Variants in EYA2 observed in about 807,000 individuals in gnomAD.
EYA2 encodes EYA transcriptional coactivator and phosphatase 2.
Under a neutral mutation model 69.2 loss-of-function variants are expected in EYA2, and 31 were observed. The ratio of observed to expected loss-of-function variants is 0.45; its 90% CI spans 0.34 to 0.60. The LOEUF is 0.60. Ranked by LOEUF, EYA2 falls within the 20% of genes least tolerant of loss-of-function variation. The pLI is 0.02. For missense variants in EYA2, 622 were observed against 701.2 expected, an observed-to-expected ratio of 0.89 and a Z score of 1.28; for synonymous variants, 257 against 279.4, an observed-to-expected ratio of 0.92 and a Z score of 0.80.
chr20:47,149,818 G>T (rs1156697664), intron 10 of EYA2, among the ~76,000 whole-genome samples: 2 of 151,962 alleles, frequency 1.3e-5, no homozygotes, highest in Non-Finnish European at 2.9e-5. Context: ...CACCACTGCA[G>T]TCCAGACTGG....
chr20:47,020,445 C>T (rs1391387758), intron 5 of EYA2, among the ~76,000 whole-genome samples: 1 of 152,192 alleles, frequency 6.6e-6, no homozygotes, highest in Non-Finnish European at 1.5e-5. Flanking sequence ...CTTGTTCAGC[C>T]TTTGCAGAGT....
intron 5 of EYA2, 101 bp downstream of exon 5, chr20:47,016,398 A>G (rs779332864): frequency 2.3e-6 from 2 of 863,386 alleles, no homozygotes; most frequent in Non-Finnish European, 4.0e-6. Flanking sequence ...AGCACCTACT[A>G]TGTGCCAGGC....
chr20:47,105,624 C>CTAAAA (rs2032553428), intron 9 of EYA2, among the ~76,000 whole-genome samples: 26 of 131,114 alleles, frequency 2.0e-4, no homozygotes, highest in African/African-American at 4.3e-4. Context: ...GACTCTGTCC[C>CTAAAA]AAAAAAAAAA....
chr20:47,184,028 T>C (rs1006822201), intron 15 of EYA2, among the ~76,000 whole-genome samples: 1 of 152,124 alleles, frequency 6.6e-6, no homozygotes, highest in African/African-American at 2.4e-5. Context: ...TGCAAAAATG[T>C]TCAGGGTCTC....
rs8113989 is a variant in EYA2, at chr20:47,066,169, A to G, written c.416-6016A>G. ...AGCTTTGGCAACATGGCAAAACTCC[A>G]TCTCTACAAAAAATTAGCCAGATGT... On this transcript the variant is annotated intron_variant, in intron 5 of 15. Transcript: ENST00000327619. 3.0e-3 allele frequency among the ~76,000 whole-genome samples: 453 copies of G among 152,214 alleles called. 1 individual carries two copies. Among genetic ancestry groups the G allele is most frequent in the African/African-American group, 0.01 (427 of 41,524 alleles).
In EYA2 at chr20:47,183,199, A is replaced by G. The variant is rs2034570727; in HGVS notation, c.1436-92A>G. On this transcript the variant is annotated intron_variant, in intron 14 of 15. Transcript: ENST00000327619. Reference sequence around the variant, plus strand: ...ATGAATACCGGGCCTTTGGGAGCACAGCTGCAGGCACCAAGCTCTTAATGA... The same window carrying G: ...ATGAATACCGGGCCTTTGGGAGCACGGCTGCAGGCACCAAGCTCTTAATGA... The G allele has an allele frequency of 2.6e-6, 3 of 1,176,040 alleles. No homozygotes were observed. The South Asian group carries it at 4.1e-5, about 16-fold the overall frequency. The allele number at this position is 1,176,040 out of a possible 1,614,324, so 72.9% of individuals were successfully genotyped here. A position where few individuals can be genotyped will look rare whatever the true frequency, so the allele number is the denominator to read the frequency against.
At chr20:46,947,100 A>G (rs1182451923) in intron 1 of EYA2, among the ~76,000 whole-genome samples, 1 of 152,184 alleles carries the variant, frequency 6.6e-6, no homozygotes, top group Non-Finnish European at 1.5e-5. Flanking sequence ...TTTCCCATCT[A>G]GCTCTTCACA....
chr20:46,938,403 A>C (rs538333234), intron 1 of EYA2, among the ~76,000 whole-genome samples: 1 of 152,234 alleles, frequency 6.6e-6, no homozygotes, highest in East Asian at 1.9e-4. Flanking sequence ...AGATAAAAAA[A>C]CAAGTATTTA....
chr20:47,090,606 AAGATGATAATCATC>A (rs895069024), intron 8 of EYA2, among the ~76,000 whole-genome samples: 2 of 152,158 alleles, frequency 1.3e-5, no homozygotes, highest in Non-Finnish European at 2.9e-5. Context: ...TACAGATAGT[AAGATGATAATCATC>A]ATGAAACAGA....
chr20:47,019,426 C>T (rs1047797124), intron 5 of EYA2, among the ~76,000 whole-genome samples: 9 of 152,068 alleles, frequency 5.9e-5, no homozygotes, highest in African/African-American at 2.2e-4. Flanking sequence ...TTTTTTCAAA[C>T]ACAAACACAC....
At chr20:47,156,694 T>C (rs978530926) in intron 10 of EYA2, among the ~76,000 whole-genome samples, 14 of 151,964 alleles carry the variant, frequency 9.2e-5, no homozygotes, top group Non-Finnish European at 1.9e-4. Flanking sequence ...ACAGCCTCTT[T>C]AGCGCTCTTA....
At chr20:47,064,216 C>G (rs1473940761) in intron 5 of EYA2, among the ~76,000 whole-genome samples, 1 of 152,226 alleles carries the variant, frequency 6.6e-6, no homozygotes, top group East Asian at 1.9e-4. Context: ...CTCAGCCTCC[C>G]AAAGTGCTGG....
chr20:46,927,453 G>A (rs1985465600), intron 1 of EYA2, among the ~76,000 whole-genome samples: 1 of 152,128 alleles, frequency 6.6e-6, no homozygotes, highest in Admixed American at 6.5e-5. Flanking sequence ...CTGAGACTAG[G>A]TAATTTATAA....
intron 1 of EYA2, among the ~76,000 whole-genome samples, chr20:46,938,936 A>G (rs1986033062): frequency 1.3e-5 from 2 of 152,188 alleles, no homozygotes; most frequent in South Asian, 4.1e-4. Flanking sequence ...ATACTGTACT[A>G]CTACCTAACA....
At chr20:46,929,103 G>A (rs952476257) in intron 1 of EYA2, among the ~76,000 whole-genome samples, 1 of 150,654 alleles carries the variant, frequency 6.6e-6, no homozygotes, top group African/African-American at 2.4e-5. Context: ...AGGGAACGGT[G>A]GGGTGGGAGA....
At chr20:46,969,984 T>TA (rs1174313001) in intron 1 of EYA2, among the ~76,000 whole-genome samples, 1 of 152,222 alleles carries the variant, frequency 6.6e-6, no homozygotes, top group African/African-American at 2.4e-5. Flanking sequence ...CCATAAAACT[T>TA]ACGATGTTCC....
intron 1 of EYA2, among the ~76,000 whole-genome samples, chr20:46,950,046 A>T (rs1600573355): frequency 1.3e-5 from 2 of 152,074 alleles, no homozygotes; most frequent in Non-Finnish European, 2.9e-5. Flanking sequence ...GTTTTTCTCC[A>T]CTGTGCATGC....
intron 2 of EYA2, among the ~76,000 whole-genome samples, chr20:47,000,312 A>G (rs1568715163): frequency 6.6e-6 from 1 of 152,212 alleles, no homozygotes; most frequent in East Asian, 1.9e-4. Flanking sequence ...CTCATTGCAC[A>G]GGGGGGAGCC....
intron 9 of EYA2, among the ~76,000 whole-genome samples, chr20:47,129,745 C>G (rs138331668): frequency 2.0e-5 from 3 of 152,182 alleles, no homozygotes; most frequent in African/African-American, 4.8e-5. Flanking sequence ...CACCGCCCCC[C>G]TCTCTTGGTG....
Sources: gnomAD v4.1 joint callset for allele counts (sites outside exome capture counted in the v4.1 genomes callset) on GRCh38, gnomAD v4.1.1 for gene constraint, MANE v1.5 for transcripts, NCBI Gene and HGNC (gene_info 2026-07-23, HGNC 2026-07-21) for gene names.